GPHN: variants seen among roughly 807,000 people sequenced by gnomAD.
The protein encoded by GPHN is gephyrin.
GPHN carries 17 observed loss-of-function variants against 95.5 expected under a neutral mutation model. The ratio of observed to expected loss-of-function variants is 0.18; its 90% CI spans 0.12 to 0.27. GPHN has a LOEUF of 0.27. Among genes scored for constraint, GPHN ranks in the 10% least tolerant of loss-of-function variants. GPHN has a pLI of 1.00. For missense variants in GPHN, 660 were observed against 978.1 expected (o/e 0.67, Z 4.34); for synonymous variants, 320 against 322.5 (o/e 0.99, Z 0.08).
chr14:66,542,487 A>C (rs1173417002), intron 1 of GPHN, among the ~76,000 whole-genome samples: 1 of 152,124 alleles, frequency 6.6e-6, no homozygotes, highest in Non-Finnish European at 1.5e-5. Context: ...CTCCATCCAT[A>C]TAACCTATCT....
chr14:67,022,317 C>A (rs1349077998), intron 9 of GPHN, among the ~76,000 whole-genome samples: 1 of 151,920 alleles, frequency 6.6e-6, no homozygotes, highest in African/African-American at 2.4e-5. Flanking sequence ...TCAAACCTCT[C>A]TCTCTTTTCT....
At chr14:67,647,762 G>T in the GPHN span, 10 of 327,602 alleles carry the variant, frequency 3.1e-5, no homozygotes, top group Non-Finnish European at 1.7e-5. Context: ...ATTAGTATAA[G>T]AGGTTCTAAT....
At chr14:66,720,771 A>T (rs1052485359) in intron 2 of GPHN, among the ~76,000 whole-genome samples, 5 of 152,176 alleles carry the variant, frequency 3.3e-5, no homozygotes, top group Admixed American at 6.5e-5. Flanking sequence ...AGTCCAACGC[A>T]AGTGGATAGC....
the GPHN span, among the ~76,000 whole-genome samples, chr14:67,242,449 T>A: frequency 6.6e-5 from 10 of 152,346 alleles, no homozygotes; most frequent in Non-Finnish European, 1.3e-4. Context: ...TCTGATTTTT[T>A]AAAAAAGCAA....
chr14:66,547,667 A>G (rs767912489), intron 1 of GPHN, among the ~76,000 whole-genome samples: 1 of 152,226 alleles, frequency 6.6e-6, no homozygotes, highest in Admixed American at 6.5e-5. Context: ...ACAAGGTCAA[A>G]CAGTAAGTAT....
At chr14:67,674,288 G>C in the GPHN span, 2 of 1,266,416 alleles carry the variant, frequency 1.6e-6, no homozygotes, top group South Asian at 3.0e-5. Context: ...GGAGACGCGG[G>C]CCCGGGTCTG....
the GPHN span, among the ~76,000 whole-genome samples, chr14:67,328,638 T>C: frequency 6.6e-6 from 1 of 152,240 alleles, no homozygotes; most frequent in African/African-American, 2.4e-5. Flanking sequence ...TTAATCCATC[T>C]TGAATTAACT....
the GPHN span, among the ~76,000 whole-genome samples, chr14:67,652,012 C>T: frequency 5.3e-5 from 8 of 152,224 alleles, no homozygotes; most frequent in African/African-American, 1.9e-4. Context: ...CTCATGTTCA[C>T]TCTAGGTTTC....
chr14:67,640,947 A>G, the GPHN span, among the ~76,000 whole-genome samples: 6 of 152,168 alleles, frequency 3.9e-5, no homozygotes, highest in Admixed American at 3.3e-4. Context: ...TTGAGCACCA[A>G]TATGACATTA....
the GPHN span, chr14:67,279,366 A>T: frequency 6.2e-7 from 1 of 1,614,028 alleles, no homozygotes; most frequent in South Asian, 1.1e-5. Flanking sequence ...ACAGGAGGAC[A>T]TGAGGCGTAG....
At chr14:67,338,473 G>A in the GPHN span, 3 of 843,378 alleles carry the variant, frequency 3.6e-6, no homozygotes, top group Non-Finnish European at 5.4e-6. Context: ...TTCTGCAAAA[G>A]TAATCCCATA....
chr14:67,645,568 T>C, the GPHN span: 1 of 1,528,008 alleles, frequency 6.5e-7, no homozygotes, highest in Non-Finnish European at 8.9e-7. Context: ...GTATAAGTTG[T>C]TTTGGCTGAG....
At chr14:66,836,368 G>A (rs2061811586) in intron 4 of GPHN, among the ~76,000 whole-genome samples, 1 of 141,926 alleles carries the variant, frequency 7.0e-6, no homozygotes, top group South Asian at 2.3e-4. Flanking sequence ...AATAAATGGT[G>A]CTGGGAAAAC....
At chr14:67,329,030 T>G in the GPHN span, among the ~76,000 whole-genome samples, 1 of 152,334 alleles carries the variant, frequency 6.6e-6, no homozygotes, top group Middle Eastern at 3.4e-3. Context: ...CATTGGTAGC[T>G]TGATGGGGAT....
chr14:67,437,738 G>A, the GPHN span, among the ~76,000 whole-genome samples: 1 of 152,094 alleles, frequency 6.6e-6, no homozygotes, highest in East Asian at 1.9e-4. Context: ...GAGTGAGGAA[G>A]AGGAAACAGG....
intron 3 of GPHN, among the ~76,000 whole-genome samples, chr14:66,822,569 G>A (rs190452759): frequency 6.6e-6 from 1 of 152,224 alleles, no homozygotes; most frequent in African/African-American, 2.4e-5. Context: ...ATACATGGTA[G>A]GTACTTCATA....
chr14:66,904,979 G>A (rs561030793), intron 5 of GPHN, among the ~76,000 whole-genome samples: 1 of 152,256 alleles, frequency 6.6e-6, no homozygotes, highest in Admixed American at 6.5e-5. Context: ...GATTTGGAAA[G>A]TTCTATTATT....
At chr14:67,560,727 CTTTTTT>C in the GPHN span, among the ~76,000 whole-genome samples, 1 of 126,430 alleles carries the variant, frequency 7.9e-6, no homozygotes, top group African/African-American at 3.0e-5. Context: ...GAACATATAT[CTTTTTT>C]TTTTTTTTTT....
the GPHN span, chr14:67,659,956 G>C: frequency 6.3e-7 from 1 of 1,591,520 alleles, no homozygotes. Flanking sequence ...CAGATAGCCT[G>C]GTTCTTCCCT....
Sources: allele counts gnomAD v4.1 joint callset (sites outside exome capture counted in the v4.1 genomes callset), GRCh38; gene constraint gnomAD v4.1.1; transcripts MANE v1.5; gene names NCBI Gene and HGNC (gene_info 2026-07-23, HGNC 2026-07-21).